TMEM131: variants seen among roughly 807,000 people sequenced by gnomAD.
TMEM131 encodes 2610524E03Rik.
TMEM131 carries 66 observed loss-of-function variants against 211.6 expected under a neutral mutation model. The ratio of observed to expected loss-of-function variants is 0.31; its 90% CI spans 0.26 to 0.38. TMEM131 has a LOEUF of 0.38. Among genes scored for constraint, TMEM131 ranks in the 10% least tolerant of loss-of-function variants. The pLI, the probability that TMEM131 is intolerant of heterozygous loss-of-function variation, is 1.00. For missense variants in TMEM131, 2,036 were observed against 2,299.3 expected (o/e 0.89, Z 2.34); for synonymous variants, 844 against 841.3 (o/e 1.00, Z -0.06).
In TMEM131 at chr2:97,991,888, G is replaced by A. The variant is rs140974260; in HGVS notation, c.187+3588C>T. ...AGATGAGTTTACATCTACTCCCAAA[G>A]CAATCTTGTTGGCAGATGTCTATGA... is the stretch of plus-strand genomic sequence containing the variant. On this transcript the variant is annotated intron_variant, in intron 1 of 40. Coordinates refer to ENST00000186436, the MANE Select transcript of TMEM131 (RefSeq NM_015348.2). Among the ~76,000 whole-genome samples, 212 of 152,306 alleles carry A rather than the reference G, an allele frequency of 1.4e-3. 1 individual carries two copies. The highest frequency in any genetic ancestry group is 4.8e-3 in the African/African-American group (201 of 41,550).
chr2:97,858,928 C>G (rs1205510422), intron 5 of TMEM131, among the ~76,000 whole-genome samples: 1 of 152,212 alleles, frequency 6.6e-6, no homozygotes, highest in Non-Finnish European at 1.5e-5. Context: ...AGTGTGCTTA[C>G]AGTTTACAGA....
At chr2:97,885,508 C>G (rs747630042) in intron 4 of TMEM131, among the ~76,000 whole-genome samples, 1 of 152,134 alleles carries the variant, frequency 6.6e-6, no homozygotes, top group Admixed American at 6.5e-5. Context: ...GATTTTAATT[C>G]TTTTTTATTT....
At chr2:97,759,183 AC>A in intron 39 of TMEM131, 130 bp from the exon 40 acceptor site, 1 of 1,148,426 alleles carries the variant, frequency 8.7e-7, no homozygotes, top group Non-Finnish European at 1.3e-6. Flanking sequence ...TCACCAGCCC[AC>A]CACAGCCCAG....
At chr2:97,782,161 C>CGAGTGGA (rs1680040848) in intron 31 of TMEM131, among the ~76,000 whole-genome samples, 1 of 152,180 alleles carries the variant, frequency 6.6e-6, no homozygotes, top group Admixed American at 6.5e-5. Flanking sequence ...CAGAGGAGGC[C>CGAGTGGA]GAGTGGACAG....
chr2:97,971,438 A>C (rs1041411921), intron 1 of TMEM131, among the ~76,000 whole-genome samples: 1 of 152,234 alleles, frequency 6.6e-6, no homozygotes, highest in Non-Finnish European at 1.5e-5. Flanking sequence ...GTTGATACTG[A>C]TCTAAAATTA....
At chr2:97,855,950 TGAGAA>T (rs1248198423) in intron 5 of TMEM131, among the ~76,000 whole-genome samples, 2 of 152,160 alleles carry the variant, frequency 1.3e-5, no homozygotes, top group African/African-American at 4.8e-5. Flanking sequence ...CTTCAACCCA[TGAGAA>T]GAGATTGATC....
At chr2:97,876,661 C>G (rs1265395942) in intron 4 of TMEM131, among the ~76,000 whole-genome samples, 1 of 152,130 alleles carries the variant, frequency 6.6e-6, no homozygotes, top group Non-Finnish European at 1.5e-5. Context: ...CTCCTTCATG[C>G]TAAAAACTGT....
At chr2:97,762,430 G>A (rs1464065954) in intron 35 of TMEM131, 3 of 428,090 alleles carry the variant, frequency 7.0e-6, no homozygotes, top group Non-Finnish European at 1.3e-5. Flanking sequence ...CTGCTGTGTT[G>A]TGTGGCGGAC....
chr2:97,921,710 G>GA (rs369301375), intron 2 of TMEM131, among the ~76,000 whole-genome samples: 3 of 152,124 alleles, frequency 2.0e-5, no homozygotes, highest in East Asian at 3.9e-4. Context: ...AAAACAATGG[G>GA]AAAAAAGACA....
intron 1 of TMEM131, among the ~76,000 whole-genome samples, chr2:97,963,445 T>C (rs953254078): frequency 4.6e-5 from 7 of 152,222 alleles, no homozygotes; most frequent in African/African-American, 1.7e-4. Context: ...CCAGGTATGG[T>C]GGCTCATGCC....
intron 2 of TMEM131, among the ~76,000 whole-genome samples, chr2:97,923,326 T>C (rs1438997841): frequency 1.3e-5 from 2 of 150,566 alleles, no homozygotes. Flanking sequence ...CTTTAAGTTT[T>C]AAAAGACAAA....
chr2:97,942,732 T>C (rs900275454), intron 1 of TMEM131, among the ~76,000 whole-genome samples: 5 of 151,996 alleles, frequency 3.3e-5, no homozygotes, highest in African/African-American at 7.2e-5. Context: ...CCGCAAAGAA[T>C]AGCCTAGGGA....
intron 2 of TMEM131, 60 bp from the exon 3 acceptor site, chr2:97,908,758 T>G (rs1219618038): frequency 1.4e-6 from 2 of 1,382,708 alleles, no homozygotes; most frequent in Non-Finnish European, 2.0e-6. Context: ...ATTACAGACA[T>G]ATGGAATATC....
chr2:97,967,002 C>T (rs1679087927), intron 1 of TMEM131, among the ~76,000 whole-genome samples: 1 of 151,874 alleles, frequency 6.6e-6, no homozygotes, highest in African/African-American at 2.4e-5. Context: ...GTGAATTCAA[C>T]CACACCTGCC....
chr2:97,759,004 C>T lies in TMEM131; in HGVS notation c.5256G>A (p.Gln1752=). The T allele has an allele frequency of 6.2e-7, 1 of 1,614,064 alleles. No individual in the cohort carries two copies. The highest frequency in any genetic ancestry group is 1.1e-5 in the South Asian group (1 of 91,088). The change falls in exon 40 of 41, where the codon CAG becomes CAA. Residue 1752 remains glutamine (Q), a synonymous_variant. Transcript: ENST00000186436. ...CACTATTAAACTCGTTCCAGCTCCT[C>T]TGTGAGGCCTGATTGCACGATCGAG... ...GLSRSCNQAS[Q]RSWNEFNSGP... is the part of the protein sequence containing the mutation.
chr2:97,959,820 T>G lies in TMEM131; in HGVS notation c.188-32333A>C, dbSNP rs80091621. Among the ~76,000 whole-genome samples, 365 of 152,312 alleles carry G rather than the reference T, an allele frequency of 2.4e-3. 4 individuals carry two copies. The East Asian group carries it at 0.025, about 11-fold the overall frequency. On this transcript the variant is annotated intron_variant, in intron 1 of 40. Coordinates refer to ENST00000186436, the MANE Select transcript of TMEM131 (RefSeq NM_015348.2). The stretch of plus-strand genomic sequence containing the variant: ...CAGTCCAGCATCCAATCAAGGATCA[T>G]GCATTACAGCATTATATTTGGTTGT...
chr2:97,958,562 C>T (rs557312222), intron 1 of TMEM131, among the ~76,000 whole-genome samples: 7 of 152,200 alleles, frequency 4.6e-5, no homozygotes, highest in Non-Finnish European at 1.0e-4. Context: ...CATACTGAAT[C>T]GCATTCTCTG....
At chr2:97,900,919 G>T (rs2104334171) in intron 3 of TMEM131, among the ~76,000 whole-genome samples, 1 of 152,238 alleles carries the variant, frequency 6.6e-6, no homozygotes, top group South Asian at 2.1e-4. Flanking sequence ...TCTAACAGGT[G>T]TGAGATGATA....
intron 1 of TMEM131, among the ~76,000 whole-genome samples, chr2:97,960,894 T>G (rs1261677104): frequency 1.3e-5 from 2 of 152,096 alleles, no homozygotes; most frequent in Non-Finnish European, 2.9e-5. Flanking sequence ...AGTAATGTAT[T>G]TTACCATATT....
Sources: gnomAD v4.1 joint callset for allele counts (sites outside exome capture counted in the v4.1 genomes callset) on GRCh38, gnomAD v4.1.1 for gene constraint, MANE v1.5 for transcripts, NCBI Gene and HGNC (gene_info 2026-07-23, HGNC 2026-07-21) for gene names.